Variants in CUX2 observed in about 807,000 individuals in gnomAD.
The protein encoded by CUX2 is cut like homeobox 2.
Under a neutral mutation model 144.8 loss-of-function variants are expected in CUX2, and 40 were observed. The ratio of observed to expected loss-of-function variants is 0.28; its 90% CI spans 0.21 to 0.36. The LOEUF (loss-of-function observed/expected upper bound fraction) is 0.36, where lower values mean the gene tolerates loss of function less well. Ranked by LOEUF, CUX2 falls within the 10% of genes least tolerant of loss-of-function variation. The probability of loss-of-function intolerance (pLI) is 1.00; values close to 1 mark genes in which losing one functional copy is unlikely to be tolerated. For missense variants in CUX2, 1,615 were observed against 1,994.0 expected, an observed-to-expected ratio of 0.81 and a Z score of 3.62; for synonymous variants, 827 against 875.6, an observed-to-expected ratio of 0.94 and a Z score of 0.98.
intron 1 of CUX2, among the ~76,000 whole-genome samples, chr12:111,114,096 C>T (rs1040781327): frequency 1.3e-5 from 2 of 152,188 alleles, no homozygotes; most frequent in African/African-American, 4.8e-5. Context: ...CTCTAGGATA[C>T]ATACCTAGGA....
chr12:111,164,202 G>C (rs2136155529), intron 1 of CUX2, among the ~76,000 whole-genome samples: 1 of 152,260 alleles, frequency 6.6e-6, no homozygotes, highest in East Asian at 1.9e-4. Flanking sequence ...AGCTCCCTGA[G>C]GCTGAGATTA....
intron 1 of CUX2, chr12:111,099,440 G>C (rs1873060274): frequency 7.3e-6 from 3 of 410,316 alleles, no homozygotes; most frequent in Non-Finnish European, 9.8e-6. Context: ...TTCATTTCTT[G>C]CCAAGCCCGG....
chr12:111,255,544 C>T lies in CUX2; in HGVS notation c.223-8217C>T, dbSNP rs1883775626. On this transcript the variant is annotated intron_variant, in intron 3 of 21. Coordinates refer to ENST00000261726, the MANE Select transcript of CUX2 (RefSeq NM_015267.4). The surrounding 1 kb of genome is among the most constrained non-coding windows in gnomAD (Gnocchi z 4.1). ...TGGTTATTCCAGGTGCTTCCACCAG[C>T]CCCCAACCAAAGAATCGATTCTGAG... Among the ~76,000 whole-genome samples, 1 of 152,152 alleles carries T rather than the reference C, an allele frequency of 6.6e-6. No individual in the cohort carries two copies. The highest frequency in any genetic ancestry group is 6.5e-5 in the Admixed American group (1 of 15,272).
intron 1 of CUX2, among the ~76,000 whole-genome samples, chr12:111,149,382 G>A (rs1327563252): frequency 6.6e-6 from 1 of 152,126 alleles, no homozygotes; most frequent in Non-Finnish European, 1.5e-5. Flanking sequence ...AATGACTGAG[G>A]CAGGGTTTTC....
intron 1 of CUX2, among the ~76,000 whole-genome samples, chr12:111,137,908 G>C (rs2136119189): frequency 1.3e-5 from 2 of 152,318 alleles, no homozygotes; most frequent in South Asian, 4.1e-4. Context: ...CAGAACAGTG[G>C]AACAAGCTCT....
chr12:111,283,529 G>A (rs1174085224), intron 4 of CUX2, among the ~76,000 whole-genome samples: 1 of 152,082 alleles, frequency 6.6e-6, no homozygotes, highest in Non-Finnish European at 1.5e-5. Flanking sequence ...GCGGGAGCTC[G>A]GCGTGCTCAG....
chr12:111,041,092 G>A (rs1394152145), intron 1 of CUX2, among the ~76,000 whole-genome samples: 1 of 152,206 alleles, frequency 6.6e-6, no homozygotes, highest in Non-Finnish European at 1.5e-5. Flanking sequence ...GCCCCTGCCT[G>A]GCTTCAAATC....
chr12:111,105,146 G>A (rs1332462858), intron 1 of CUX2, among the ~76,000 whole-genome samples: 1 of 152,242 alleles, frequency 6.6e-6, no homozygotes, highest in Admixed American at 6.5e-5. Context: ...CTGCGCTGGG[G>A]TGAGCCCCGT....
chr12:111,044,480 G>C (rs372654922), intron 1 of CUX2, among the ~76,000 whole-genome samples: 7 of 151,758 alleles, frequency 4.6e-5, no homozygotes, highest in African/African-American at 1.7e-4. Flanking sequence ...GGCACTTACT[G>C]TTCCCTCTCT....
intron 1 of CUX2, among the ~76,000 whole-genome samples, chr12:111,128,150 C>T (rs1875211649): frequency 6.6e-6 from 1 of 152,218 alleles, no homozygotes; most frequent in East Asian, 1.9e-4. Context: ...AAGTCCCTGA[C>T]CATCGAACCA....
chr12:111,048,919 G>A (rs764454305), intron 1 of CUX2, among the ~76,000 whole-genome samples: 3 of 152,090 alleles, frequency 2.0e-5, no homozygotes, highest in Non-Finnish European at 4.4e-5. Flanking sequence ...TGGACTGGAA[G>A]TAGCAGGGGT....
In CUX2 at chr12:111,293,707, G is replaced by C; in HGVS notation, c.560+138G>C. The C allele has an allele frequency of 7.7e-7, 1 of 1,292,986 alleles. No individual in the cohort carries two copies. The highest frequency in any genetic ancestry group is 2.6e-5 in the Admixed American group (1 of 37,758). 80.1% of individuals were successfully genotyped at this position (1,292,986 alleles called of 1,614,324 possible). ...GGAGACCGAGATGAGAAAGGGCCGA[G>C]GGCTTTGGACTCCAACCGGGTCTGG... On this transcript the variant is annotated intron_variant, in intron 6 of 21. Coordinates refer to ENST00000261726, the MANE Select transcript of CUX2 (RefSeq NM_015267.4). The surrounding 1 kb of genome is among the most constrained non-coding windows in gnomAD (Gnocchi z 4.5).
At chr12:111,251,155 A>G (rs1021279176) in intron 3 of CUX2, among the ~76,000 whole-genome samples, 2 of 152,198 alleles carry the variant, frequency 1.3e-5, no homozygotes, top group African/African-American at 4.8e-5. Context: ...TTAACAATAG[A>G]AAAATGATCT....
rs918543299 is a variant in CUX2 at position 111,171,777 on chromosome 12, G to A, written c.64-42423G>A. 4.6e-5 allele frequency among the ~76,000 whole-genome samples: 7 copies of A among 152,224 alleles called. No homozygotes were observed. Among genetic ancestry groups the A allele is most frequent in the Admixed American group, 2.0e-4 (3 of 15,284 alleles). Reference sequence around the variant, plus strand: ...ATGGCAGGGTCCCTTTTCGCCTCCCGGGGAAGGAGCCGGAGAGAAGGCAGA... The same window carrying A: ...ATGGCAGGGTCCCTTTTCGCCTCCCAGGGAAGGAGCCGGAGAGAAGGCAGA... On this transcript the variant is annotated intron_variant, in intron 1 of 21. Coordinates refer to ENST00000261726, the MANE Select transcript of CUX2 (RefSeq NM_015267.4). The surrounding 1 kb of genome is among the most constrained non-coding windows in gnomAD (Gnocchi z 5.0).
At chr12:111,091,403 C>T (rs1467801862) in intron 1 of CUX2, among the ~76,000 whole-genome samples, 1 of 152,160 alleles carries the variant, frequency 6.6e-6, no homozygotes, top group African/African-American at 2.4e-5. Flanking sequence ...AGGTCAAGTG[C>T]AACCGGGCAG....
chr12:111,102,089 G>A (rs1183511034), intron 1 of CUX2, among the ~76,000 whole-genome samples: 3 of 152,142 alleles, frequency 2.0e-5, no homozygotes, highest in African/African-American at 7.2e-5. Flanking sequence ...TCTTTCTGTA[G>A]CCTTGCCCAC....
chr12:111,247,230 C>A (rs1883319922), intron 3 of CUX2, among the ~76,000 whole-genome samples: 1 of 152,180 alleles, frequency 6.6e-6, no homozygotes, highest in Admixed American at 6.5e-5. Flanking sequence ...GCAGCAAGGA[C>A]CCCGGCTAGA....
intron 18 of CUX2, among the ~76,000 whole-genome samples, chr12:111,325,331 G>A (rs897408363): frequency 6.6e-6 from 1 of 151,830 alleles, no homozygotes; most frequent in African/African-American, 2.4e-5. Flanking sequence ...TAATGCTAAT[G>A]ACCGCTGCCA....
At chr12:111,286,834 A>C (rs1016700693) in intron 4 of CUX2, among the ~76,000 whole-genome samples, 6 of 152,060 alleles carry the variant, frequency 3.9e-5, no homozygotes, top group African/African-American at 1.4e-4. Flanking sequence ...GAGCCTTGGC[A>C]CTCCAGCCTG....
Sources: gnomAD v4.1 joint callset for allele counts (sites outside exome capture counted in the v4.1 genomes callset) on GRCh38, gnomAD v4.1.1 for gene constraint, Gnocchi (gnomAD v3.1) non-coding constraint, MANE v1.5 for transcripts, NCBI Gene and HGNC (gene_info 2026-07-23, HGNC 2026-07-21) for gene names.